The following COL28A1 variants were observed in gnomAD, a reference collection of about 807,000 sequenced individuals.
COL28A1 encodes collagen alpha-1(XXVIII) chain.
In COL28A1, 161 loss-of-function variants were observed where a neutral mutation model predicts 150.2. The observed-to-expected ratio is 1.07, with a 90% CI of 0.94 to 1.22. The LOEUF (loss-of-function observed/expected upper bound fraction) is 1.22. Among genes scored for constraint, COL28A1 ranks in the 50% most tolerant of loss-of-function variants. The pLI is 0.00. For synonymous variants in COL28A1, 552 were observed against 469.7 expected, an observed-to-expected ratio of 1.18 and a Z score of -2.26; for missense variants, 1,617 against 1,388.3, an observed-to-expected ratio of 1.16 and a Z score of -2.62.
intron 27 of COL28A1, among the ~76,000 whole-genome samples, chr7:7,391,549 G>T (rs368164995): frequency 6.6e-6 from 1 of 152,124 alleles, no homozygotes; most frequent in Non-Finnish European, 1.5e-5. Flanking sequence ...TTTCTGTCTC[G>T]TTAATCTGTG....
At position 7,380,808 on chromosome 7, in the gene COL28A1, C is replaced by CA. The variant is rs776736625; in HGVS notation, c.2259dup (p.Gly754TrpfsTer65). 6.2e-6 allele frequency: 10 copies of CA among 1,613,814 alleles called. No homozygotes were observed. The highest frequency in any genetic ancestry group is 8.5e-6 in the Non-Finnish European group (10 of 1,179,896). On this transcript the variant is annotated frameshift_variant, in exon 29 of 35. Transcript: ENST00000399429. LOFTEE classifies it high-confidence loss of function. Reference sequence around the variant, plus strand: ...TGTTTTCCTGGAGATCCAGGCTCTCCAATTTCTCCTTTATCACCTTTCTTT... The same window carrying CA: ...TGTTTTCCTGGAGATCCAGGCTCTCCAAATTTCTCCTTTATCACCTTTCTTT...
chr7:7,353,108 G>T (rs1480560864), downstream of COL28A1, among the ~76,000 whole-genome samples: 2 of 152,186 alleles, frequency 1.3e-5, no homozygotes, highest in Non-Finnish European at 2.9e-5. Context: ...GCCCCCAACA[G>T]ATCATTCATA....
chr7:7,434,372 G>C (rs538514691), intron 23 of COL28A1, among the ~76,000 whole-genome samples: 3 of 152,106 alleles, frequency 2.0e-5, no homozygotes, highest in African/African-American at 7.2e-5. Flanking sequence ...TTACATTTAA[G>C]GATGAAGCTC....
chr7:7,399,530 A>G (rs1210296947), intron 27 of COL28A1, among the ~76,000 whole-genome samples: 1 of 152,154 alleles, frequency 6.6e-6, no homozygotes, highest in Non-Finnish European at 1.5e-5. Flanking sequence ...TCTTTTTGGT[A>G]GAAGATGCCT....
chr7:7,451,313 C>T (rs1786674340), intron 18 of COL28A1, among the ~76,000 whole-genome samples: 1 of 152,018 alleles, frequency 6.6e-6, no homozygotes, highest in Non-Finnish European at 1.5e-5. Context: ...GCAACCTCCG[C>T]CTCCTGAGTT....
intron 15 of COL28A1, among the ~76,000 whole-genome samples, chr7:7,462,320 T>C (rs1361870367): frequency 2.0e-5 from 3 of 152,130 alleles, no homozygotes; most frequent in Admixed American, 2.0e-4. Context: ...GAAACAAGGT[T>C]GTTTAACACC....
chr7:7,423,615 G>A (rs1225870123), intron 25 of COL28A1, among the ~76,000 whole-genome samples: 1 of 151,922 alleles, frequency 6.6e-6, no homozygotes, highest in Non-Finnish European at 1.5e-5. Flanking sequence ...TAACAAAGTA[G>A]TATGTTTTAA....
intron 26 of COL28A1, among the ~76,000 whole-genome samples, chr7:7,419,653 A>G (rs1213488977): frequency 6.6e-6 from 1 of 152,218 alleles, no homozygotes; most frequent in East Asian, 1.9e-4. Context: ...AGCACTTTGC[A>G]GTTAAAAAGA....
chr7:7,455,133 C>T (rs1280716204), intron 16 of COL28A1, among the ~76,000 whole-genome samples: 1 of 152,162 alleles, frequency 6.6e-6, no homozygotes, highest in Non-Finnish European at 1.5e-5. Context: ...ACCCTAGATA[C>T]AGAAACTAGA....
At chr7:7,424,623 T>G (rs971429377) in intron 25 of COL28A1, among the ~76,000 whole-genome samples, 15 of 152,114 alleles carry the variant, frequency 9.9e-5, no homozygotes, top group Non-Finnish European at 1.2e-4. Flanking sequence ...TGAACAGACG[T>G]GCGAGCAAAT....
In COL28A1 at chr7:7,531,352, C is replaced by T. The variant is rs774639481; in HGVS notation, c.677G>A (p.Arg226His). 1.3e-5 allele frequency: 19 copies of T among 1,407,934 alleles called. No homozygotes were observed. The highest frequency in any genetic ancestry group is 2.6e-5 in the South Asian group (2 of 76,542). 87.2% of individuals were successfully genotyped at this position (1,407,934 alleles called of 1,614,324 possible). ...ATCAACCCATTAGGTACCTACCAGACGATCTTGAATTTTATCTACAAGGGT... is the reference window on the plus strand; with the variant it reads ...ATCAACCCATTAGGTACCTACCAGATGATCTTGAATTTTATCTACAAGGGT... ...DPTLVDKIQD[R>H]LDILFEKKCE... The change falls in exon 3 of 35, where the codon CGT becomes CAT. Residue 226 changes from arginine (R) to histidine (H), a missense_variant. Physicochemically the swap from Arg to His is conservative, Grantham distance 29. Transcript: ENST00000399429.
intron 25 of COL28A1, among the ~76,000 whole-genome samples, chr7:7,422,846 C>T (rs1473989038): frequency 2.6e-5 from 4 of 152,144 alleles, no homozygotes; most frequent in East Asian, 1.9e-4. Context: ...GGGAGAAACA[C>T]GTTACACAAC....
chr7:7,456,188 G>A (rs757364873), intron 15 of COL28A1, 76 bp from the exon 16 acceptor site: 95 of 1,524,008 alleles, frequency 6.2e-5, no homozygotes, highest in Non-Finnish European at 8.2e-5. Context: ...ACCTGGAATT[G>A]GGCTGTGTTA....
intron 15 of COL28A1, among the ~76,000 whole-genome samples, chr7:7,472,591 A>T (rs1465421953): frequency 6.6e-6 from 1 of 152,216 alleles, no homozygotes; most frequent in South Asian, 2.1e-4. Context: ...GACAATGACC[A>T]TACTGCCAAA....
intron 13 of COL28A1, among the ~76,000 whole-genome samples, chr7:7,479,153 A>G (rs1789187578): frequency 1.3e-5 from 2 of 152,362 alleles, no homozygotes; most frequent in East Asian, 3.9e-4. Context: ...GTGTCTACAG[A>G]GGTCCTTAAA....
At chr7:7,391,082 T>C (rs904342970) in intron 27 of COL28A1, among the ~76,000 whole-genome samples, 2 of 152,232 alleles carry the variant, frequency 1.3e-5, no homozygotes, top group Non-Finnish European at 2.9e-5. Flanking sequence ...GTGTCGATTT[T>C]AAATCTTTCC....
chr7:7,428,360 G>C (rs1349033070), intron 25 of COL28A1, among the ~76,000 whole-genome samples: 1 of 152,190 alleles, frequency 6.6e-6, no homozygotes, highest in Non-Finnish European at 1.5e-5. Context: ...AAAAAGCTAA[G>C]AGACGGGCAC....
intron 9 of COL28A1, among the ~76,000 whole-genome samples, chr7:7,508,627 T>C (rs533414733): frequency 6.6e-6 from 1 of 152,296 alleles, no homozygotes; most frequent in South Asian, 2.1e-4. Flanking sequence ...CTTCACTGTT[T>C]GCTAATTTGA....
chr7:7,505,209 A>G (rs754779336), intron 11 of COL28A1, among the ~76,000 whole-genome samples: 1 of 152,134 alleles, frequency 6.6e-6, no homozygotes, highest in Non-Finnish European at 1.5e-5. Flanking sequence ...CTACAACTTC[A>G]GTTTAATATC....
Sources: allele counts gnomAD v4.1 joint callset (sites outside exome capture counted in the v4.1 genomes callset), GRCh38; gene constraint gnomAD v4.1.1; transcripts MANE v1.5; gene names NCBI Gene and HGNC (gene_info 2026-07-23, HGNC 2026-07-21).